Variants in NRXN3 observed in about 807,000 individuals in gnomAD.
NRXN3 encodes the protein neurexin III.
NRXN3 carries 32 observed loss-of-function variants against 137.6 expected under a neutral mutation model. That is an observed-to-expected ratio of 0.23 (90% confidence interval 0.18 to 0.31). NRXN3 has a LOEUF of 0.31. NRXN3 is among the 10% of genes least tolerant of loss of function. The probability of loss-of-function intolerance (pLI) is 1.00; values close to 1 mark genes in which losing one functional copy is unlikely to be tolerated. For synonymous variants in NRXN3, 798 were observed against 784.5 expected (o/e 1.02, Z -0.29); for missense variants, 1,574 against 2,062.5 (o/e 0.76, Z 4.59).
chr14:79,136,663 G>A (rs752152473), intron 15 of NRXN3, among the ~76,000 whole-genome samples: 9 of 152,234 alleles, frequency 5.9e-5, no homozygotes, highest in Non-Finnish European at 1.2e-4. Flanking sequence ...GGTCTGTGCA[G>A]CATGCTGGTG....
rs554202062 is a variant in NRXN3 at position 78,404,306 on chromosome 14, A to G, written c.757+106446A>G. On this transcript the variant is annotated intron_variant, in intron 4 of 20. Transcript: ENST00000335750. Reference sequence around the variant, plus strand: ...GCTGCAGAAGTCAATAAGCAGCCAGACAGGGAATGAAATTGGAGGAGGCAG... The same window carrying G: ...GCTGCAGAAGTCAATAAGCAGCCAGGCAGGGAATGAAATTGGAGGAGGCAG... Among the ~76,000 whole-genome samples the G allele has an allele frequency of 5.9e-5, 9 of 152,114 alleles. No homozygotes were observed. In the East Asian group the frequency reaches 1.7e-3, roughly 29 times the overall value.
chr14:79,709,784 C>G (rs889671601), intron 19 of NRXN3, among the ~76,000 whole-genome samples: 1 of 152,090 alleles, frequency 6.6e-6, no homozygotes, highest in African/African-American at 2.4e-5. Context: ...GCCCTACTGG[C>G]TGGGAAGCTA....
chr14:79,629,499 C>A (rs2098320096), intron 16 of NRXN3, among the ~76,000 whole-genome samples: 1 of 152,092 alleles, frequency 6.6e-6, no homozygotes, highest in Admixed American at 6.5e-5. Context: ...CTTTGCGTAG[C>A]CCTGGTTAAT....
At chr14:79,845,784 C>G (rs556473275) in intron 20 of NRXN3, among the ~76,000 whole-genome samples, 31 of 7,902 alleles carry the variant, frequency 3.9e-3, no homozygotes, top group East Asian at 5.0e-3. Context: ...GAGAGGGAGA[C>G]GGGGAGAGAG....
At chr14:79,231,579 C>G (rs1218459061) in intron 15 of NRXN3, among the ~76,000 whole-genome samples, 1 of 152,134 alleles carries the variant, frequency 6.6e-6, no homozygotes, top group Non-Finnish European at 1.5e-5. Flanking sequence ...TCCAGGCATA[C>G]TTGCCTCAGA....
At chr14:78,539,147 T>C (rs2096564341) in intron 4 of NRXN3, among the ~76,000 whole-genome samples, 3 of 152,110 alleles carry the variant, frequency 2.0e-5, no homozygotes, top group Admixed American at 2.0e-4. Context: ...TTAGGGAGGG[T>C]TCCCTCTTTT....
chr14:79,369,646 G>A (rs2094021760), intron 15 of NRXN3, among the ~76,000 whole-genome samples: 1 of 152,130 alleles, frequency 6.6e-6, no homozygotes, highest in South Asian at 2.1e-4. Flanking sequence ...CTGTCTCATG[G>A]TAAAATCATG....
At chr14:78,320,068 G>A (rs751666812) in intron 4 of NRXN3, among the ~76,000 whole-genome samples, 12 of 152,118 alleles carry the variant, frequency 7.9e-5, no homozygotes, top group Admixed American at 3.9e-4. Context: ...TCCAGCTGGC[G>A]GTGGCCTTGG....
chr14:79,257,406 G>A (rs969147229), intron 15 of NRXN3, among the ~76,000 whole-genome samples: 5 of 90,156 alleles, frequency 5.5e-5, no homozygotes, highest in East Asian at 3.5e-4. Flanking sequence ...GGTGGTGGTG[G>A]TGGTGGTGAT....
At chr14:79,525,137 T>C (rs1404852094) in intron 16 of NRXN3, among the ~76,000 whole-genome samples, 2 of 152,132 alleles carry the variant, frequency 1.3e-5, no homozygotes, top group African/African-American at 2.4e-5. Context: ...CTAGTTTCTA[T>C]GGCTAGCATT....
At chr14:79,465,606 C>T (rs1016427629) in intron 15 of NRXN3, among the ~76,000 whole-genome samples, 1 of 152,168 alleles carries the variant, frequency 6.6e-6, no homozygotes, top group African/African-American at 2.4e-5. Flanking sequence ...TATTTCTCAA[C>T]AAGATGAATA....
intron 16 of NRXN3, among the ~76,000 whole-genome samples, chr14:79,572,535 T>C (rs1292895933): frequency 6.6e-6 from 1 of 152,182 alleles, no homozygotes; most frequent in Non-Finnish European, 1.5e-5. Flanking sequence ...TTTTGTGATG[T>C]GGTTTAGAAG....
intron 4 of NRXN3, among the ~76,000 whole-genome samples, chr14:78,601,865 C>T (rs992323060): frequency 6.6e-6 from 1 of 152,154 alleles, no homozygotes; most frequent in Non-Finnish European, 1.5e-5. Flanking sequence ...ATTTATTCTC[C>T]CTCCAGTCTT....
At chr14:79,333,142 C>A (rs2091922811) in intron 15 of NRXN3, among the ~76,000 whole-genome samples, 1 of 152,104 alleles carries the variant, frequency 6.6e-6, no homozygotes, top group South Asian at 2.1e-4. Flanking sequence ...CAGCAGCTAC[C>A]TTTGCAAAAG....
chr14:79,663,247 C>T (rs1053941362), intron 16 of NRXN3, among the ~76,000 whole-genome samples: 20 of 149,570 alleles, frequency 1.3e-4, no homozygotes, highest in Admixed American at 4.7e-4. Context: ...TGTGTGTACG[C>T]GTGTGTGTGT....
rs191706029 is a variant in NRXN3 at position 79,556,033 on chromosome 14, T to A, written c.3444+88631T>A. 2.1e-4 allele frequency among the ~76,000 whole-genome samples: 32 copies of A among 152,210 alleles called. No individual in the cohort carries two copies. The East Asian group carries it at 5.8e-3, about 28-fold the overall frequency. ...GCCCCAGAAAGAGAACACAGGCCCCTCTCTTCAGCAACAGGGTGTGAGTGG... is the reference window on the plus strand; with the variant it reads ...GCCCCAGAAAGAGAACACAGGCCCCACTCTTCAGCAACAGGGTGTGAGTGG... On this transcript the variant is annotated intron_variant, in intron 16 of 20. Transcript: ENST00000335750.
intron 16 of NRXN3, among the ~76,000 whole-genome samples, chr14:79,611,155 G>T (rs1437579321): frequency 6.6e-6 from 1 of 152,176 alleles, no homozygotes; most frequent in African/African-American, 2.4e-5. Context: ...AGGAGCAACA[G>T]ACCAGTCTAG....
intron 4 of NRXN3, among the ~76,000 whole-genome samples, chr14:78,338,549 G>T (rs2081766528): frequency 6.6e-6 from 1 of 152,142 alleles, no homozygotes; most frequent in African/African-American, 2.4e-5. Context: ...GGCAGAGGTT[G>T]GTGCAGACTA....
At chr14:79,113,418 C>A (rs186981634) in intron 15 of NRXN3, among the ~76,000 whole-genome samples, 2 of 152,244 alleles carry the variant, frequency 1.3e-5, no homozygotes, top group Admixed American at 1.3e-4. Flanking sequence ...CATCAATTAC[C>A]CCCTCTTGAC....
Sources: gnomAD v4.1 joint callset for allele counts (sites outside exome capture counted in the v4.1 genomes callset) on GRCh38, gnomAD v4.1.1 for gene constraint, MANE v1.5 for transcripts, NCBI Gene and HGNC (gene_info 2026-07-23, HGNC 2026-07-21) for gene names.